The following NBAS variants were observed in gnomAD, a reference collection of about 807,000 sequenced individuals.
NBAS encodes the protein NBAS subunit of NRZ tethering complex.
Under a neutral mutation model 302.5 loss-of-function variants are expected in NBAS, and 219 were observed. The ratio of observed to expected loss-of-function variants is 0.72; its 90% CI spans 0.65 to 0.81. The LOEUF is 0.81. Ranked by LOEUF, NBAS falls within the 30% of genes least tolerant of loss-of-function variation. The pLI is 0.00. For synonymous variants in NBAS, 1,118 were observed against 1,021.6 expected (o/e 1.09, Z -1.80); for missense variants, 2,932 against 2,841.6 (o/e 1.03, Z -0.72).
chr2:14,850,911 C>A, the NBAS span, among the ~76,000 whole-genome samples: 2 of 137,600 alleles, frequency 1.5e-5, no homozygotes, highest in East Asian at 3.9e-4. Context: ...ACCAGAATCT[C>A]TGGGACACAT....
chr2:15,052,501 C>G, the NBAS span, among the ~76,000 whole-genome samples: 1 of 152,178 alleles, frequency 6.6e-6, no homozygotes. Flanking sequence ...TCCCCTTTCA[C>G]AGCCATCCCT....
At position 15,321,919 on chromosome 2, in the gene NBAS, T is replaced by C. The variant is rs567657466; in HGVS notation, c.4582+5831A>G. On this transcript the variant is annotated intron_variant, in intron 38 of 51. Coordinates refer to ENST00000281513, the MANE Select transcript of NBAS (RefSeq NM_015909.4). ...ATACCCCAAGGATTATAAATCATGCTACTATAAAGACATATGCACACGTAT... is the reference window on the plus strand; with the variant it reads ...ATACCCCAAGGATTATAAATCATGCCACTATAAAGACATATGCACACGTAT... Among the ~76,000 whole-genome samples, 32 of 152,330 alleles carry C rather than the reference T, an allele frequency of 2.1e-4. 1 individual carries two copies. The highest frequency in any genetic ancestry group is 4.3e-4 in the Non-Finnish European group (29 of 68,038).
At chr2:15,301,298 G>A (rs1670782361) in intron 40 of NBAS, among the ~76,000 whole-genome samples, 1 of 152,180 alleles carries the variant, frequency 6.6e-6, no homozygotes, top group Non-Finnish European at 1.5e-5. Context: ...CTTCTGAGTT[G>A]TATCTTCTAT....
intron 48 of NBAS, among the ~76,000 whole-genome samples, chr2:15,211,121 T>C (rs767242115): frequency 3.3e-5 from 5 of 152,098 alleles, no homozygotes; most frequent in Non-Finnish European, 7.4e-5. Context: ...TTACTAAAAG[T>C]ATAACTTAGA....
chr2:14,975,886 TC>T, the NBAS span, among the ~76,000 whole-genome samples: 8 of 152,076 alleles, frequency 5.3e-5, no homozygotes, highest in Admixed American at 6.6e-5. Flanking sequence ...CAACTTGACA[TC>T]CACCTCAACA....
the NBAS span, among the ~76,000 whole-genome samples, chr2:15,065,779 G>A: frequency 3.2e-4 from 49 of 152,134 alleles, no homozygotes; most frequent in African/African-American, 1.2e-3. Context: ...CATGTTTATG[G>A]ATTGGAAGAC....
chr2:15,497,656 C>T (rs1681118425), intron 11 of NBAS, among the ~76,000 whole-genome samples: 1 of 152,100 alleles, frequency 6.6e-6, no homozygotes, highest in Non-Finnish European at 1.5e-5. Flanking sequence ...GCAGGGTATA[C>T]AAATCTGAAG....
At chr2:15,449,815 C>T (rs1465417546) in intron 21 of NBAS, among the ~76,000 whole-genome samples, 1 of 152,186 alleles carries the variant, frequency 6.6e-6, no homozygotes, top group Non-Finnish European at 1.5e-5. Context: ...GTGGACTCCT[C>T]TCTGCGGACA....
At chr2:15,215,387 C>T (rs1259669406) in intron 48 of NBAS, among the ~76,000 whole-genome samples, 1 of 152,126 alleles carries the variant, frequency 6.6e-6, no homozygotes, top group African/African-American at 2.4e-5. Flanking sequence ...ATTTGTGGGG[C>T]CACTACTTTG....
the NBAS span, among the ~76,000 whole-genome samples, chr2:14,905,964 AGTACGCTTGTCT>A: frequency 2.0e-5 from 3 of 152,228 alleles, no homozygotes; most frequent in African/African-American, 7.2e-5. Flanking sequence ...TACACTGATG[AGTACGCTTGTCT>A]GTACAATATT....
chr2:14,800,785 G>GTTTTTTTTTTT, the NBAS span, among the ~76,000 whole-genome samples: 4 of 129,522 alleles, frequency 3.1e-5, no homozygotes, highest in Non-Finnish European at 3.2e-5. Context: ...GATTTAAATT[G>GTTTTTTTTTTT]TTTTTGTTTT....
intron 50 of NBAS, among the ~76,000 whole-genome samples, chr2:15,183,317 T>C (rs899007507): frequency 2.0e-5 from 3 of 152,152 alleles, no homozygotes; most frequent in Non-Finnish European, 4.4e-5. Flanking sequence ...ATGTGCCCAA[T>C]TGAGAGACAG....
intron 48 of NBAS, among the ~76,000 whole-genome samples, chr2:15,209,162 T>A (rs6729944): frequency 0.19 from 29,000 of 152,008 alleles, 3,484 homozygotes; most frequent in East Asian, 0.46. Flanking sequence ...AGTGGCTACT[T>A]TAAGCAACTA....
chr2:15,245,217 C>T (rs1034028529), intron 44 of NBAS, among the ~76,000 whole-genome samples: 6 of 152,130 alleles, frequency 3.9e-5, no homozygotes, highest in African/African-American at 1.2e-4. Context: ...AGGCCCCATG[C>T]GATCTGCTCT....
intron 22 of NBAS, 65 bp downstream of exon 22, chr2:15,427,646 C>A (rs1677544109): frequency 1.5e-6 from 2 of 1,347,170 alleles, no homozygotes; most frequent in Admixed American, 3.8e-5. Flanking sequence ...ACACCACTTT[C>A]ACAGGGCCAT....
intron 26 of NBAS, chr2:15,397,314 T>C: frequency 4.6e-6 from 1 of 219,058 alleles, no homozygotes; most frequent in South Asian, 7.9e-5. Context: ...TGTGCAATGC[T>C]CCACCTAAAC....
At chr2:14,825,503 C>T in the NBAS span, among the ~76,000 whole-genome samples, 2 of 152,126 alleles carry the variant, frequency 1.3e-5, no homozygotes, top group East Asian at 3.9e-4. Flanking sequence ...TAACTAAATG[C>T]TAATCATCCA....
chr2:15,451,310 C>G (rs1335266527), intron 21 of NBAS, among the ~76,000 whole-genome samples: 1 of 152,146 alleles, frequency 6.6e-6, no homozygotes, highest in Non-Finnish European at 1.5e-5. Flanking sequence ...CATGGCCTCC[C>G]AAAGTGCTGG....
At chr2:15,444,166 ATGGAACCAAAAAAGAGCC>A (rs1183291318) in intron 21 of NBAS, among the ~76,000 whole-genome samples, 2 of 151,970 alleles carry the variant, frequency 1.3e-5, no homozygotes, top group Admixed American at 6.6e-5. Flanking sequence ...TAAAGTTCAT[ATGGAACCAAAAAAGAGCC>A]TGCAACACCA....
Sources: gnomAD v4.1 joint callset for allele counts (sites outside exome capture counted in the v4.1 genomes callset) on GRCh38, gnomAD v4.1.1 for gene constraint, MANE v1.5 for transcripts, NCBI Gene and HGNC (gene_info 2026-07-23, HGNC 2026-07-21) for gene names.